Variants in ENPP2 observed in about 807,000 individuals in gnomAD.
The protein encoded by ENPP2 is ectonucleotide pyrophosphatase/phosphodiesterase 2, also known as autotaxin.
ENPP2 carries 51 observed loss-of-function variants against 120.2 expected under a neutral mutation model. The ratio of observed to expected loss-of-function variants is 0.42; its 90% confidence interval spans 0.34 to 0.54. The LOEUF (loss-of-function observed/expected upper bound fraction) is 0.54, where lower values mean the gene tolerates loss of function less well. ENPP2 is among the 20% of genes least tolerant of loss of function. ENPP2 has a pLI of 0.04. For missense variants in ENPP2, 920 were observed against 1,066.5 expected (o/e 0.86, Z 1.91); for synonymous variants, 365 against 366.4 (o/e 1.00, Z 0.04).
rs1022227343 is a variant in ENPP2, at chr8:119,582,222, A to T, written c.1728+196T>A. 3.9e-5 allele frequency among the ~76,000 whole-genome samples: 6 copies of T among 152,234 alleles called. 1 individual carries two copies. Among genetic ancestry groups the T allele is most frequent in the Non-Finnish European group, 5.9e-5 (4 of 68,044 alleles). ...CTATACCTGTGCTATTCAATATGGT[A>T]GCCACAAGCCACATAGGGCTCTTTA... On this transcript the variant is annotated intron_variant, in intron 18 of 24. Coordinates refer to ENST00000075322, the MANE Select transcript of ENPP2 (RefSeq NM_001040092.3).
In ENPP2 at chr8:119,607,036, G is replaced by C. The variant is rs556757812; in HGVS notation, c.833+886C>G. ...TGCTTATCCCCCCATCACTTCTTTA[G>C]GGATGGGAAGGAGCCCCACTTTCTT... On this transcript the variant is annotated intron_variant, in intron 9 of 24. Coordinates refer to ENST00000075322, the MANE Select transcript of ENPP2 (RefSeq NM_001040092.3). Among the ~76,000 whole-genome samples the C allele has an allele frequency of 3.9e-5, 6 of 152,136 alleles. No individual in the cohort carries two copies. The South Asian group carries it at 8.3e-4, about 21-fold the overall frequency.
chr8:119,572,320 C>T, intron 19 of ENPP2: 9 of 1,115,878 alleles, frequency 8.1e-6, no homozygotes, highest in Non-Finnish European at 1.2e-5. Context: ...TCATGGTTAC[C>T]ACACACAGTC....
intron 18 of ENPP2, among the ~76,000 whole-genome samples, chr8:119,581,763 C>T (rs1191876357): frequency 7.1e-6 from 1 of 141,128 alleles, no homozygotes; most frequent in Admixed American, 7.2e-5. Flanking sequence ...TTTTCATTTC[C>T]TTTTTTTTTT....
intron 8 of ENPP2, 88 bp from the exon 9 acceptor site, chr8:119,608,065 C>T (rs910771203): frequency 1.3e-6 from 1 of 776,840 alleles, no homozygotes; most frequent in African/African-American, 1.8e-5. Flanking sequence ...GATCAGATAT[C>T]TTATACTCTA....
intron 1 of ENPP2, among the ~76,000 whole-genome samples, chr8:119,662,939 C>A (rs536830083): frequency 6.6e-6 from 1 of 151,944 alleles, no homozygotes; most frequent in Non-Finnish European, 1.5e-5. Flanking sequence ...GGTGAAACCC[C>A]GTCTCTACCA....
At chr8:119,572,330 C>A (rs1164304191) in intron 19 of ENPP2, 1 of 1,019,262 alleles carries the variant, frequency 9.8e-7, no homozygotes, top group Admixed American at 2.1e-5. Flanking sequence ...CACACACAGT[C>A]CTCCAAACTC....
chr8:119,634,234 A>ACT (rs1816866035), intron 2 of ENPP2, among the ~76,000 whole-genome samples: 1 of 151,706 alleles, frequency 6.6e-6, no homozygotes, highest in South Asian at 2.1e-4. Flanking sequence ...ATACATACAC[A>ACT]CAATGTCCTC....
At chr8:119,664,500 C>T (rs1000891127) in intron 1 of ENPP2, among the ~76,000 whole-genome samples, 4 of 152,214 alleles carry the variant, frequency 2.6e-5, no homozygotes, top group Non-Finnish European at 5.9e-5. Context: ...CCGATCATTT[C>T]CATGACGAAG....
chr8:119,604,032 T>G (rs1814510541), intron 9 of ENPP2, among the ~76,000 whole-genome samples: 1 of 140,700 alleles, frequency 7.1e-6, no homozygotes, highest in South Asian at 2.3e-4. Flanking sequence ...TTTTTTTTTT[T>G]GGTTGTTGTT....
intron 19 of ENPP2, among the ~76,000 whole-genome samples, chr8:119,574,592 T>C (rs1812206968): frequency 6.6e-6 from 1 of 152,038 alleles, no homozygotes; most frequent in Admixed American, 6.6e-5. Flanking sequence ...CCAGCACTCA[T>C]TCTTTTTGTA....
intron 23 of ENPP2, among the ~76,000 whole-genome samples, chr8:119,564,425 C>T (rs760497767): frequency 1.3e-4 from 20 of 152,048 alleles, no homozygotes; most frequent in Non-Finnish European, 2.4e-4. Flanking sequence ...CACCTGGAAT[C>T]CCAGAACTTT....
intron 11 of ENPP2, among the ~76,000 whole-genome samples, chr8:119,594,688 C>A (rs2130485825): frequency 6.6e-6 from 1 of 152,262 alleles, no homozygotes; most frequent in Middle Eastern, 3.4e-3. Context: ...TCATCTTTAG[C>A]TGTGCAATGG....
At chr8:119,603,601 T>C (rs1251980421) in intron 9 of ENPP2, among the ~76,000 whole-genome samples, 1 of 152,160 alleles carries the variant, frequency 6.6e-6, no homozygotes, top group African/African-American at 2.4e-5. Context: ...CATAAAGTTG[T>C]AGTAAAGGTG....
intron 1 of ENPP2, among the ~76,000 whole-genome samples, chr8:119,649,412 A>G (rs1019786459): frequency 6.3e-5 from 8 of 126,026 alleles, no homozygotes; most frequent in African/African-American, 2.0e-4. Flanking sequence ...AAAAAAAAAA[A>G]AAAGAAAAGA....
At chr8:119,637,649 A>G (rs1374180220) in intron 2 of ENPP2, among the ~76,000 whole-genome samples, 1 of 152,154 alleles carries the variant, frequency 6.6e-6, no homozygotes, top group Non-Finnish European at 1.5e-5. Flanking sequence ...CTTAAAATGT[A>G]ATTTTTTATT....
At chr8:119,646,555 C>T (rs1817473855) in intron 1 of ENPP2, among the ~76,000 whole-genome samples, 1 of 152,142 alleles carries the variant, frequency 6.6e-6, no homozygotes, top group South Asian at 2.1e-4. Context: ...AACTAAACTC[C>T]CTAAATTCAA....
intron 9 of ENPP2, among the ~76,000 whole-genome samples, chr8:119,603,007 C>T (rs934953904): frequency 2.6e-5 from 4 of 152,156 alleles, no homozygotes; most frequent in Admixed American, 1.3e-4. Flanking sequence ...CTGGAACTAT[C>T]ACACAAGACC....
chr8:119,661,561 C>T (rs149562840), intron 1 of ENPP2, among the ~76,000 whole-genome samples: 34 of 152,302 alleles, frequency 2.2e-4, no homozygotes, highest in Admixed American at 3.9e-4. Context: ...CCCTTGTGCA[C>T]TCTTCATGGA....
At chr8:119,654,793 G>A (rs1817722984) in intron 1 of ENPP2, among the ~76,000 whole-genome samples, 1 of 152,166 alleles carries the variant, frequency 6.6e-6, no homozygotes. Flanking sequence ...TTCTTAAAAA[G>A]TATCTGAATT....
Sources: allele counts gnomAD v4.1 joint callset (sites outside exome capture counted in the v4.1 genomes callset), GRCh38; gene constraint gnomAD v4.1.1; transcripts MANE v1.5; gene names NCBI Gene and HGNC (gene_info 2026-07-23, HGNC 2026-07-21).